Variants in CAPS2 observed in about 807,000 individuals in gnomAD.
CAPS2 encodes the protein calcyphosin-2.
A neutral mutation model predicts 86.5 loss-of-function variants in CAPS2; 98 were observed. The ratio of observed to expected loss-of-function variants is 1.13; its 90% CI spans 0.96 to 1.34. The LOEUF is 1.34. Among genes scored for constraint, CAPS2 ranks in the 40% most tolerant of loss-of-function variants. The probability of loss-of-function intolerance (pLI) is 0.00; values close to 1 mark genes in which losing one functional copy is unlikely to be tolerated. For missense variants in CAPS2, 729 were observed against 686.8 expected, an observed-to-expected ratio of 1.06 and a Z score of -0.69; for synonymous variants, 210 against 225.1, an observed-to-expected ratio of 0.93 and a Z score of 0.60.
intron 14 of CAPS2, among the ~76,000 whole-genome samples, chr12:75,288,454 A>T (rs2035286404): frequency 6.6e-6 from 1 of 152,236 alleles, no homozygotes; most frequent in South Asian, 2.1e-4. Context: ...CTGGTCCAAG[A>T]TCATACAGTT....
intron 1 of CAPS2, among the ~76,000 whole-genome samples, chr12:75,347,938 G>A (rs2042564211): frequency 6.6e-6 from 1 of 151,968 alleles, no homozygotes; most frequent in Non-Finnish European, 1.5e-5. Flanking sequence ...TTAAACTTGA[G>A]AGAGAAAATG....
At chr12:75,284,242 A>G (rs530524530) in intron 15 of CAPS2, among the ~76,000 whole-genome samples, 1 of 152,326 alleles carries the variant, frequency 6.6e-6, no homozygotes, top group African/African-American at 2.4e-5. Context: ...TCTCTTGCCC[A>G]GTAAAAGTAG....
At chr12:75,289,907 T>C in intron 13 of CAPS2, 132 bp from the exon 14 acceptor site, 1 of 673,196 alleles carries the variant, frequency 1.5e-6, no homozygotes, top group South Asian at 2.1e-5. Context: ...ACAAATCAAA[T>C]GTAAGACAAA....
intron 1 of CAPS2, among the ~76,000 whole-genome samples, chr12:75,346,321 T>C (rs2042442313): frequency 6.6e-6 from 1 of 152,224 alleles, no homozygotes; most frequent in Non-Finnish European, 1.5e-5. Flanking sequence ...TCTCATTTCA[T>C]TAAGTGGGAA....
chr12:75,343,583 C>A, intron 1 of CAPS2: 1 of 823,798 alleles, frequency 1.2e-6, no homozygotes, highest in Non-Finnish European at 1.8e-6. Context: ...AGAAAAACTA[C>A]ATCTTATTAA....
At chr12:75,299,732 T>C (rs1252224768) in intron 9 of CAPS2, 105 bp downstream of exon 9, 3 of 486,676 alleles carry the variant, frequency 6.2e-6, no homozygotes, top group South Asian at 4.1e-5. Flanking sequence ...GTATTTTTAT[T>C]TAAATGACAC....
exon 16 of CAPS2, chr12:75,282,268 T>A: frequency 6.3e-7 from 1 of 1,578,148 alleles, no homozygotes; most frequent in Non-Finnish European, 8.7e-7. Context: ...TACTTGAGAA[T>A]GCTTCTTTGC....
intron 1 of CAPS2, among the ~76,000 whole-genome samples, chr12:75,375,694 T>C (rs146121934): frequency 1.3e-3 from 198 of 152,354 alleles, no homozygotes; most frequent in African/African-American, 4.6e-3. Context: ...GTAGGCTTCC[T>C]ATCAATTTTA....
intron 1 of CAPS2, among the ~76,000 whole-genome samples, chr12:75,361,544 T>C (rs2043592252): frequency 6.6e-6 from 1 of 152,136 alleles, no homozygotes; most frequent in Non-Finnish European, 1.5e-5. Flanking sequence ...CAGCCCAAGC[T>C]GTACCTCAGC....
chr12:75,320,943 A>T (rs1287965558), intron 5 of CAPS2, among the ~76,000 whole-genome samples: 4 of 152,010 alleles, frequency 2.6e-5, no homozygotes, highest in Non-Finnish European at 5.9e-5. Flanking sequence ...GATGTTAAAA[A>T]ATCATTTCCC....
intron 14 of CAPS2, among the ~76,000 whole-genome samples, chr12:75,288,499 C>G (rs1404938350): frequency 2.0e-5 from 3 of 152,172 alleles, no homozygotes; most frequent in Non-Finnish European, 4.4e-5. Flanking sequence ...CCTAAATGTC[C>G]TAAGTTCAAT....
At chr12:75,293,196 TA>T (rs2036302663) in intron 12 of CAPS2, 52 bp downstream of exon 12, 1 of 1,038,650 alleles carries the variant, frequency 9.6e-7, no homozygotes, top group Non-Finnish European at 1.5e-6. Context: ...TAAGATAATT[TA>T]AAAATAGTGT....
upstream of CAPS2, among the ~76,000 whole-genome samples, chr12:75,328,051 T>C (rs2040949670): frequency 6.6e-6 from 1 of 151,630 alleles, no homozygotes; most frequent in Non-Finnish European, 1.5e-5. Flanking sequence ...GTAAACATAT[T>C]CTGAAAAAAA....
At chr12:75,305,793 G>A in intron 7 of CAPS2, 1 of 735,306 alleles carries the variant, frequency 1.4e-6, no homozygotes, top group South Asian at 1.3e-5. Context: ...GATGTCGTCG[G>A]CAGCTACAAT....
intron 14 of CAPS2, among the ~76,000 whole-genome samples, 165 bp from the exon 15 acceptor site, chr12:75,285,245 G>T (rs74110647): frequency 0.011 from 1,671 of 152,134 alleles, 31 homozygotes; most frequent in African/African-American, 0.037. Context: ...CTAAAAAAGT[G>T]ATTTAGAGGA....
At chr12:75,293,433 T>C in intron 11 of CAPS2, 66 bp from the exon 12 acceptor site, 1 of 960,364 alleles carries the variant, frequency 1.0e-6, no homozygotes, top group South Asian at 1.4e-5. Context: ...CTAACATCAA[T>C]TTTAAATAAT....
intron 1 of CAPS2, among the ~76,000 whole-genome samples, chr12:75,380,077 A>C (rs1460911716): frequency 1.3e-5 from 2 of 152,088 alleles, no homozygotes; most frequent in Non-Finnish European, 2.9e-5. Flanking sequence ...AAAATACATA[A>C]CAATTGAACC....
chr12:75,282,429 C>A, intron 15 of CAPS2, 82 bp from the exon 16 acceptor site: 1 of 875,828 alleles, frequency 1.1e-6, no homozygotes, highest in South Asian at 1.3e-5. Context: ...CTCTGTCACC[C>A]AGACTGGAGT....
chr12:75,306,200 AGCTGGTGTTCCCGG>A, intron 7 of CAPS2: 1 of 740,978 alleles, frequency 1.3e-6, no homozygotes, highest in Admixed American at 2.4e-5. Flanking sequence ...TACGTGGAGC[AGCTGGTGTTCCCGG>A]GCCAGCCGCG....
Sources: allele counts gnomAD v4.1 joint callset (sites outside exome capture counted in the v4.1 genomes callset), GRCh38; gene constraint gnomAD v4.1.1; transcripts MANE v1.5; gene names NCBI Gene and HGNC (gene_info 2026-07-23, HGNC 2026-07-21).